GPC6: variants seen among roughly 807,000 people sequenced by gnomAD.
The protein encoded by GPC6 is glypican 6, also known as glypican-6.
In GPC6, 14 loss-of-function variants were observed where a neutral mutation model predicts 55.2. That is an observed-to-expected ratio of 0.25 (90% CI 0.17 to 0.40). The LOEUF (loss-of-function observed/expected upper bound fraction) is 0.40. Ranked by LOEUF, GPC6 falls within the 10% of genes least tolerant of loss-of-function variation. The pLI is 1.00. For synonymous variants in GPC6, 278 were observed against 259.6 expected (o/e 1.07, Z -0.68); for missense variants, 641 against 708.5 (o/e 0.90, Z 1.08).
intron 4 of GPC6, among the ~76,000 whole-genome samples, chr13:94,137,865 A>T (rs61962317): frequency 2.0e-5 from 3 of 152,100 alleles, no homozygotes; most frequent in Non-Finnish European, 4.4e-5. Context: ...GGGCCACATC[A>T]GATTTTTAAT....
intron 1 of GPC6, among the ~76,000 whole-genome samples, chr13:93,527,719 C>T (rs1265277859): frequency 6.6e-6 from 1 of 152,032 alleles, no homozygotes; most frequent in African/African-American, 2.4e-5. Flanking sequence ...TTGTTGGCCT[C>T]GCATCCCCCA....
chr13:93,831,512 G>GGT, intron 3 of GPC6, among the ~76,000 whole-genome samples: 1 of 151,580 alleles, frequency 6.6e-6, no homozygotes, highest in African/African-American at 2.4e-5. Flanking sequence ...GTGCCAAAGA[G>GGT]CCACAGTATT....
intron 6 of GPC6, among the ~76,000 whole-genome samples, chr13:94,356,250 C>T: frequency 6.6e-6 from 1 of 152,200 alleles, no homozygotes; most frequent in East Asian, 1.9e-4. Flanking sequence ...CTGTAATGAA[C>T]ATACGCGTGC....
At chr13:94,012,696 A>C (rs1194310557) in intron 3 of GPC6, among the ~76,000 whole-genome samples, 2 of 152,168 alleles carry the variant, frequency 1.3e-5, no homozygotes, top group African/African-American at 2.4e-5. Flanking sequence ...AAAGCTGTAC[A>C]TGTTCCTGAG....
At chr13:93,756,871 T>C (rs563864836) in intron 2 of GPC6, among the ~76,000 whole-genome samples, 1 of 152,280 alleles carries the variant, frequency 6.6e-6, no homozygotes, top group Admixed American at 6.5e-5. Context: ...GCAGTAACAC[T>C]GTCCCTTAGG....
intron 4 of GPC6, among the ~76,000 whole-genome samples, chr13:94,105,523 C>CA (rs1297171209): frequency 5.3e-5 from 8 of 152,154 alleles, no homozygotes; most frequent in Non-Finnish European, 8.8e-5. Flanking sequence ...AAGTCAAAGC[C>CA]AAAAATGTAA....
chr13:93,539,317 C>CG lies in GPC6; in HGVS notation c.161-5945dup, dbSNP rs1882191409. On this transcript the variant is annotated intron_variant, in intron 1 of 8. Transcript: ENST00000377047. ...TCACTTTGGGAAGAATTTCACAACTCGCAGTGTTCCATTTTGGTGTTGTCG... is the reference window on the plus strand; with the variant it reads ...TCACTTTGGGAAGAATTTCACAACTCGGCAGTGTTCCATTTTGGTGTTGTCG... Among the ~76,000 whole-genome samples the CG allele has an allele frequency of 4.6e-5, 7 of 152,204 alleles. No homozygotes were observed. In the South Asian group the frequency reaches 1.5e-3, roughly 32 times the overall value.
chr13:93,381,769 C>T (rs1393933917), intron 1 of GPC6, among the ~76,000 whole-genome samples: 4 of 152,074 alleles, frequency 2.6e-5, no homozygotes, highest in Non-Finnish European at 5.9e-5. Flanking sequence ...TATAGGCCAC[C>T]TAACTTCTAT....
chr13:94,141,630 G>A (rs1005517329), intron 4 of GPC6, among the ~76,000 whole-genome samples: 42 of 152,150 alleles, frequency 2.8e-4, no homozygotes, highest in African/African-American at 1.0e-3. Context: ...TCAGTTGGTG[G>A]GGAGCTTCAC....
chr13:93,704,779 T>C (rs960927523), intron 2 of GPC6, among the ~76,000 whole-genome samples: 6 of 151,972 alleles, frequency 3.9e-5, no homozygotes, highest in African/African-American at 1.4e-4. Flanking sequence ...CAGGAAATGC[T>C]CAAATCTGTC....
In GPC6 at chr13:94,211,594, T is replaced by C. The variant is rs147739207; in HGVS notation, c.878-74755T>C. On this transcript the variant is annotated intron_variant, in intron 4 of 8. Coordinates refer to ENST00000377047, the MANE Select transcript of GPC6 (RefSeq NM_005708.5). ...AGAAAAAAACTCAGTGTGCTACTGA[T>C]AGCACCTGTGCATGGACAGAGGAAT... Among the ~76,000 whole-genome samples, 566 of 152,324 alleles carry C rather than the reference T, an allele frequency of 3.7e-3. 4 individuals carry two copies. The highest frequency in any genetic ancestry group is 0.013 in the African/African-American group (523 of 41,568).
intron 2 of GPC6, among the ~76,000 whole-genome samples, chr13:93,549,033 T>C (rs975194084): frequency 1.3e-5 from 2 of 152,178 alleles, no homozygotes; most frequent in Admixed American, 6.5e-5. Flanking sequence ...CCTCTTATCC[T>C]TTGGTCTGGG....
At chr13:94,192,914 T>C (rs1889444825) in intron 4 of GPC6, among the ~76,000 whole-genome samples, 1 of 152,104 alleles carries the variant, frequency 6.6e-6, no homozygotes, top group South Asian at 2.1e-4. Flanking sequence ...AAACCTGTGT[T>C]TATAGACACA....
chr13:93,755,636 A>G (rs17189229), intron 2 of GPC6, among the ~76,000 whole-genome samples: 30,849 of 152,126 alleles, frequency 0.2, 3,600 homozygotes, highest in Non-Finnish European at 0.26. Flanking sequence ...TTTGAAGTGT[A>G]TGAATACTAT....
chr13:93,655,109 A>G (rs3931532), intron 2 of GPC6, among the ~76,000 whole-genome samples: 73,587 of 149,030 alleles, frequency 0.49, 20,418 homozygotes, highest in Middle Eastern at 0.76. Flanking sequence ...TCGGCCTCCT[A>G]AAGTGCTGGG....
intron 1 of GPC6, among the ~76,000 whole-genome samples, chr13:93,257,686 A>G (rs1282989318): frequency 6.6e-6 from 1 of 152,198 alleles, no homozygotes. Flanking sequence ...AAACTGAGGC[A>G]GAGAGGAAAC....
At chr13:93,593,901 G>A (rs1247226594) in intron 2 of GPC6, among the ~76,000 whole-genome samples, 2 of 151,848 alleles carry the variant, frequency 1.3e-5, no homozygotes, top group Admixed American at 1.3e-4. Flanking sequence ...TGTTATTTTG[G>A]GAGTATGCTG....
At chr13:93,949,827 C>T (rs747905419) in intron 3 of GPC6, among the ~76,000 whole-genome samples, 6 of 152,206 alleles carry the variant, frequency 3.9e-5, no homozygotes, top group Middle Eastern at 3.4e-3. Flanking sequence ...TCTGGGCTCC[C>T]GTGATCCTCC....
At chr13:93,988,227 C>T (rs955548074) in intron 3 of GPC6, among the ~76,000 whole-genome samples, 1 of 152,132 alleles carries the variant, frequency 6.6e-6, no homozygotes, top group African/African-American at 2.4e-5. Context: ...GGTCCAAAGA[C>T]TTACATTTGG....
Sources: gnomAD v4.1 joint callset for allele counts (sites outside exome capture counted in the v4.1 genomes callset) on GRCh38, gnomAD v4.1.1 for gene constraint, MANE v1.5 for transcripts, NCBI Gene and HGNC (gene_info 2026-07-23, HGNC 2026-07-21) for gene names.